The following PNPLA7 variants were observed in gnomAD, a reference collection of about 807,000 sequenced individuals.
PNPLA7 encodes the protein patatin like domain 7, lysophospholipase.
Under a neutral mutation model 161.7 loss-of-function variants are expected in PNPLA7, and 153 were observed. That is an observed-to-expected ratio of 0.95 (90% CI 0.83 to 1.08). PNPLA7 has a LOEUF of 1.08. Among genes scored for constraint, PNPLA7 ranks in the 50% least tolerant of loss-of-function variants. The pLI, the probability that PNPLA7 is intolerant of heterozygous loss-of-function variation, is 0.00. For synonymous variants in PNPLA7, 809 were observed against 782.1 expected (o/e 1.03, Z -0.57); for missense variants, 1,739 against 1,856.6 (o/e 0.94, Z 1.16).
intron 12 of PNPLA7, among the ~76,000 whole-genome samples, chr9:137,506,713 T>C (rs1359103882): frequency 1.3e-5 from 2 of 152,198 alleles, no homozygotes; most frequent in Non-Finnish European, 2.9e-5. Flanking sequence ...TGCACCCTTT[T>C]ACAGCCTGCC....
At chr9:137,518,898 C>T (rs1331760250) in intron 11 of PNPLA7, among the ~76,000 whole-genome samples, 1 of 132,802 alleles carries the variant, frequency 7.5e-6, no homozygotes, top group African/African-American at 3.0e-5. Flanking sequence ...CTCACTCACT[C>T]CACTCTGCTC....
At chr9:137,518,845 C>G (rs1834815756) in intron 11 of PNPLA7, among the ~76,000 whole-genome samples, 1 of 127,346 alleles carries the variant, frequency 7.9e-6, no homozygotes, top group Non-Finnish European at 1.6e-5. Flanking sequence ...TCTACTCACT[C>G]CATCCCCCAC....
intron 11 of PNPLA7, among the ~76,000 whole-genome samples, chr9:137,516,797 A>G (rs757556385): frequency 6.6e-6 from 1 of 151,628 alleles, no homozygotes; most frequent in Admixed American, 6.6e-5. Flanking sequence ...CAGACTGGGC[A>G]AAAGAGCAAA....
At chr9:137,503,345 C>T (rs1227103513) in intron 14 of PNPLA7, among the ~76,000 whole-genome samples, 1 of 151,424 alleles carries the variant, frequency 6.6e-6, no homozygotes, top group African/African-American at 2.4e-5. Flanking sequence ...GGCACCACTG[C>T]ACTCCAGGCT....
intron 20 of PNPLA7, among the ~76,000 whole-genome samples, chr9:137,488,440 A>G (rs1189887550): frequency 6.6e-6 from 1 of 152,182 alleles, no homozygotes; most frequent in Non-Finnish European, 1.5e-5. Context: ...TCTGGGCCAG[A>G]AGGGAGGTGG....
At chr9:137,492,483 C>T (rs1426423863) in intron 20 of PNPLA7, among the ~76,000 whole-genome samples, 1 of 123,858 alleles carries the variant, frequency 8.1e-6, no homozygotes, top group African/African-American at 3.1e-5. Context: ...GTGGGCGGGG[C>T]TCCAGCACAG....
At position 137,506,012 on chromosome 9, in the gene PNPLA7, C is replaced by T. The variant is rs74637847; in HGVS notation, c.1297G>A (p.Glu433Lys). 22,704 of 1,612,422 alleles carry T rather than the reference C, an allele frequency of 0.014. 163 individuals are homozygous for T. Among genetic ancestry groups the T allele is most frequent in the Non-Finnish European group, 0.016 (19,094 of 1,179,588 alleles). The change falls in exon 13 of 35, where the codon GAG (glutamate) becomes AAG (lysine). Residue 433 changes from glutamate (E) to lysine (K), a missense_variant. Glu to Lys is a moderately conservative substitution (Grantham distance 56, BLOSUM62 1). Coordinates refer to ENST00000406427, the MANE Select transcript of PNPLA7 (RefSeq NM_001098537.3). ...CTGGCCACGGAGCTCCCGGGGTGCT[C>T]GTCCGAGTGCAGGAAGACCCTGGCA... ...DRARVFLHSD[E>K]HPGSSVASKS...
At position 137,497,317 on chromosome 9, in the gene PNPLA7, A is replaced by G. The variant is rs1833116658; in HGVS notation, c.1890-7T>C. On this transcript the variant is annotated splice_polypyrimidine_tract_variant and splice_region_variant and intron_variant, in intron 17 of 34. Transcript: ENST00000406427. ...GTCGGACTTGTCCCCCTGCCTGCGG[A>G]AGACACAGAGGCCCTGCAGCCCTGG... 1 of 1,555,712 alleles carries G rather than the reference A, an allele frequency of 6.4e-7. No homozygotes were observed. The highest frequency in any genetic ancestry group is 8.7e-7 in the Non-Finnish European group (1 of 1,150,268).
At position 137,481,805 on chromosome 9, in the gene PNPLA7, G is replaced by A. The variant is rs1031507446; in HGVS notation, c.2348-782C>T. Among the ~76,000 whole-genome samples the A allele has an allele frequency of 1.4e-4, 21 of 152,128 alleles. 1 individual carries two copies. Among genetic ancestry groups the A allele is most frequent in the South Asian group, 6.2e-4 (3 of 4,832 alleles). On this transcript the variant is annotated intron_variant, in intron 21 of 34. Coordinates refer to ENST00000406427, the MANE Select transcript of PNPLA7 (RefSeq NM_001098537.3). ...ACAAAACTTAGCTGGGTGTGGTGGC[G>A]GGCGCCTGTAGTCCCAGCTACTTGG...
rs73567235 is a variant in PNPLA7 at position 137,476,520 on chromosome 9, C to A, written c.2882+1514G>T. Among the ~76,000 whole-genome samples the A allele has an allele frequency of 6.2e-3, 937 of 151,780 alleles. 7 individuals are homozygous for A. The highest frequency in any genetic ancestry group is 0.021 in the African/African-American group (857 of 41,360). ...CAACAATCTAAAACTAAAAAAAAAA[C>A]CAAAAACTTAGTAGAATAGGAATAT... On this transcript the variant is annotated intron_variant, in intron 25 of 34. Coordinates refer to ENST00000406427, the MANE Select transcript of PNPLA7 (RefSeq NM_001098537.3). The surrounding 1 kb of genome is among the most constrained non-coding windows in gnomAD (Gnocchi z 4.5).
intron 12 of PNPLA7, among the ~76,000 whole-genome samples, chr9:137,506,930 C>T (rs1350614402): frequency 2.0e-5 from 3 of 152,216 alleles, no homozygotes; most frequent in Non-Finnish European, 4.4e-5. Flanking sequence ...CATTTCTCAG[C>T]GGAATACAGA....
At chr9:137,495,800 C>T (rs1023963641) in intron 18 of PNPLA7, among the ~76,000 whole-genome samples, 1 of 152,216 alleles carries the variant, frequency 6.6e-6, no homozygotes, top group South Asian at 2.1e-4. Flanking sequence ...TGCCCTCTGG[C>T]ACTGAGGCCT....
At chr9:137,512,656 C>T (rs1022518783) in intron 12 of PNPLA7, among the ~76,000 whole-genome samples, 1 of 152,210 alleles carries the variant, frequency 6.6e-6, no homozygotes, top group African/African-American at 2.4e-5. Flanking sequence ...CAAACAACAA[C>T]TGGGCCAGGT....
rs951407541 is a variant in PNPLA7, at chr9:137,490,430, C to T, written c.2197+2583G>A. Among the ~76,000 whole-genome samples, 6 of 152,168 alleles carry T rather than the reference C, an allele frequency of 3.9e-5. No individual in the cohort carries two copies. The highest frequency in any genetic ancestry group is 2.1e-4 in the South Asian group (1 of 4,834). On this transcript the variant is annotated intron_variant, in intron 20 of 34. Coordinates refer to ENST00000406427, the MANE Select transcript of PNPLA7 (RefSeq NM_001098537.3). This position sits in a 1 kb window ranked among gnomAD's most constrained non-coding sequence, Gnocchi z 4.1. ...TGAACACAGCTAGAGAGAAATGATG[C>T]GTTACCTACTGGAGAACATCTGGAT...
intron 12 of PNPLA7, 141 bp downstream of exon 12, chr9:137,515,238 C>T (rs1834466150): frequency 4.4e-6 from 5 of 1,132,412 alleles, no homozygotes; most frequent in Non-Finnish European, 6.1e-6. Context: ...AGGACAGGCA[C>T]AGGCCCCCCT....
rs1835156363 is a variant in PNPLA7, at chr9:137,523,732, T to C, written c.748-875A>G. ...AGCTCCGCCTCCCGGGTTCACACCA[T>C]TCTCCTGCCTCAGCCTCCACAGTAG... On this transcript the variant is annotated intron_variant, in intron 8 of 34. Transcript: ENST00000406427. This position sits in a 1 kb window ranked among gnomAD's most constrained non-coding sequence, Gnocchi z 4.4. 6.6e-6 allele frequency among the ~76,000 whole-genome samples: 1 copy of C among 151,942 alleles called. No homozygotes were observed. The highest frequency in any genetic ancestry group is 1.5e-5 in the Non-Finnish European group (1 of 67,998).
rs965005893 is a variant in PNPLA7, at chr9:137,477,091, C to A, written c.2882+943G>T. On this transcript the variant is annotated intron_variant, in intron 25 of 34. Coordinates refer to ENST00000406427, the MANE Select transcript of PNPLA7 (RefSeq NM_001098537.3). ...CCCCAGAAGGCAGCCCTGGCCTGGA[C>A]CCCCGCCCAGGCACCCCTCGATGTC... is the stretch of plus-strand genomic sequence containing the variant. Among the ~76,000 whole-genome samples, 4 of 152,352 alleles carry A rather than the reference C, an allele frequency of 2.6e-5. No individual in the cohort carries two copies. In the South Asian group the frequency reaches 8.3e-4, roughly 32 times the overall value.
At chr9:137,492,243 C>G (rs1832797756) in intron 20 of PNPLA7, 1 of 985,120 alleles carries the variant, frequency 1.0e-6, no homozygotes, top group Admixed American at 6.2e-5. Flanking sequence ...CATTATCTTT[C>G]CATGCTGAGC....
chr9:137,488,280 T>C (rs1319430123), intron 20 of PNPLA7, among the ~76,000 whole-genome samples: 1 of 152,228 alleles, frequency 6.6e-6, no homozygotes, highest in Non-Finnish European at 1.5e-5. Context: ...TTTATTTTTA[T>C]TTTTCCTGCA....
Sources: allele counts gnomAD v4.1 joint callset (sites outside exome capture counted in the v4.1 genomes callset), GRCh38; gene constraint gnomAD v4.1.1; non-coding constraint Gnocchi (gnomAD v3.1); transcripts MANE v1.5; gene names NCBI Gene and HGNC (gene_info 2026-07-23, HGNC 2026-07-21).